Variants in SPMAP1 observed in about 807,000 individuals in gnomAD.
SPMAP1 encodes the protein sperm microtubule associated protein 1.
At chr17:38,839,394 G>A in the SPMAP1 span, among the ~76,000 whole-genome samples, 2 of 147,306 alleles carry the variant, frequency 1.4e-5, no homozygotes, top group Non-Finnish European at 3.0e-5. Flanking sequence ...CTTGAACACG[G>A]AAAGCAGAGG....
chr17:38,841,211 A>AC, the SPMAP1 span: 3 of 1,614,102 alleles, frequency 1.9e-6, no homozygotes, highest in East Asian at 6.7e-5. Flanking sequence ...AAGGGGCGGA[A>AC]CCACGTGACT....
At chr17:38,838,749 G>A in the SPMAP1 span, among the ~76,000 whole-genome samples, 4 of 152,164 alleles carry the variant, frequency 2.6e-5, no homozygotes, top group Non-Finnish European at 4.4e-5. Context: ...CTTCCAGCCT[G>A]TGTGACAGAG....
At chr17:38,841,388 A>G in the SPMAP1 span, 2 of 1,613,818 alleles carry the variant, frequency 1.2e-6, no homozygotes, top group Admixed American at 1.7e-5. Context: ...CAGGTACGCC[A>G]TCCCAACCAC....
chr17:38,835,691 G>A, the SPMAP1 span, among the ~76,000 whole-genome samples: 3 of 152,198 alleles, frequency 2.0e-5, no homozygotes, highest in Admixed American at 6.5e-5. Context: ...TCTGACCCAT[G>A]TGGAAAAAAT....
the SPMAP1 span, chr17:38,837,370 A>G: frequency 1.4e-6 from 1 of 710,018 alleles, no homozygotes; most frequent in Non-Finnish European, 2.6e-6. Flanking sequence ...ACTGGTGCAG[A>G]CAGATTAAAT....
At chr17:38,838,076 G>T in the SPMAP1 span, among the ~76,000 whole-genome samples, 1 of 151,832 alleles carries the variant, frequency 6.6e-6, no homozygotes, top group Non-Finnish European at 1.5e-5. Flanking sequence ...GTAGAGACAG[G>T]GTTCACATAT....
the SPMAP1 span, among the ~76,000 whole-genome samples, chr17:38,835,873 G>A: frequency 6.6e-6 from 1 of 152,286 alleles, no homozygotes. Flanking sequence ...GGATGCAGCA[G>A]TGAGGGGAAC....
chr17:38,837,062 C>G, the SPMAP1 span: 708 of 933,614 alleles, frequency 7.6e-4, 5 homozygotes, highest in African/African-American at 9.5e-3. Flanking sequence ...AGGATGCAGT[C>G]CCTTTGCCTC....
At chr17:38,839,330 T>G in the SPMAP1 span, among the ~76,000 whole-genome samples, 1 of 150,628 alleles carries the variant, frequency 6.6e-6, no homozygotes, top group Non-Finnish European at 1.5e-5. Flanking sequence ...GGCAACATGG[T>G]GAAACCCTGT....
At chr17:38,841,244 T>C in the SPMAP1 span, 3 of 1,614,032 alleles carry the variant, frequency 1.9e-6, no homozygotes, top group African/African-American at 2.7e-5. Context: ...GCGGGCGTGG[T>C]AGTCCTGCTG....
chr17:38,837,872 C>T, the SPMAP1 span, among the ~76,000 whole-genome samples: 312 of 152,036 alleles, frequency 2.1e-3, 5 homozygotes, highest in East Asian at 0.039. Flanking sequence ...GTTTTCCCAT[C>T]GGTAAAAGGA....
chr17:38,837,092 G>A, the SPMAP1 span: 3 of 1,331,210 alleles, frequency 2.3e-6, no homozygotes, highest in Admixed American at 3.4e-5. Flanking sequence ...ACCAGGCCTT[G>A]CTATGGCCCA....
the SPMAP1 span, chr17:38,837,344 G>T: frequency 1.3e-6 from 1 of 790,956 alleles, no homozygotes; most frequent in Non-Finnish European, 2.3e-6. Flanking sequence ...TAGGGAAGAG[G>T]TCAGAGCCTT....
the SPMAP1 span, chr17:38,841,207 C>G: frequency 6.2e-7 from 1 of 1,614,058 alleles, no homozygotes; most frequent in Non-Finnish European, 8.5e-7. Context: ...GCAAAAGGGG[C>G]GGAACCACGT....
the SPMAP1 span, among the ~76,000 whole-genome samples, chr17:38,840,827 G>C: frequency 6.6e-6 from 1 of 150,918 alleles, no homozygotes; most frequent in Non-Finnish European, 1.5e-5. Context: ...CTGTAACATG[G>C]CGAAACCCCG....
chr17:38,837,320 G>GT, the SPMAP1 span: 1 of 919,686 alleles, frequency 1.1e-6, no homozygotes, highest in Non-Finnish European at 1.8e-6. Context: ...CTGCCCTGGG[G>GT]TTTGCTGTGG....
At chr17:38,837,762 G>A in the SPMAP1 span, among the ~76,000 whole-genome samples, 1 of 152,058 alleles carries the variant, frequency 6.6e-6, no homozygotes, top group African/African-American at 2.4e-5. Flanking sequence ...GGCAGCTGAA[G>A]GCTCAGTTTC....
chr17:38,841,319 G>C, the SPMAP1 span: 2 of 1,614,194 alleles, frequency 1.2e-6, no homozygotes, highest in Non-Finnish European at 1.7e-6. Flanking sequence ...GCGGGCAGCG[G>C]TGCTCACAGC....
At chr17:38,835,390 C>T in the SPMAP1 span, 2 of 1,605,360 alleles carry the variant, frequency 1.2e-6, no homozygotes, top group Non-Finnish European at 1.7e-6. Context: ...ATTCAGCCCA[C>T]CTCTTGGCTT....
Sources: allele counts gnomAD v4.1 joint callset (sites outside exome capture counted in the v4.1 genomes callset), GRCh38; gene constraint gnomAD v4.1.1; transcripts MANE v1.5; gene names NCBI Gene and HGNC (gene_info 2026-07-23, HGNC 2026-07-21).